Variants in COPS2 observed in about 807,000 individuals in gnomAD.
COPS2 encodes COP9 signalosome complex subunit 2.
Under a neutral mutation model 66.1 loss-of-function variants are expected in COPS2, and 10 were observed. That is an observed-to-expected ratio of 0.15 (90% CI 0.09 to 0.26). The LOEUF (loss-of-function observed/expected upper bound fraction) is 0.26, where lower values mean the gene tolerates loss of function less well. COPS2 is among the 10% of genes least tolerant of loss of function. The pLI is 1.00. For missense variants in COPS2, 215 were observed against 513.3 expected (o/e 0.42, Z 5.62); for synonymous variants, 179 against 171.3 (o/e 1.04, Z -0.35).
chr15:49,139,617 G>A lies in COPS2; in HGVS notation c.283C>T (p.Leu95=), dbSNP rs758024993. ...FPEMMNRYKQ[L]LTYIRSAVTR... is the part of the protein sequence containing the mutation. ...ACTGCACTCCGAATATAGGTCAATA[G>A]CTGCTTATATCTATTCATCATTTCT... The change falls in exon 4 of 13, where the codon CTA becomes TTA. Residue 95 remains leucine, a synonymous_variant. Transcript: ENST00000388901. 10 of 1,601,982 alleles carry A rather than the reference G, an allele frequency of 6.2e-6. No homozygotes were observed. The highest frequency in any genetic ancestry group is 6.0e-6 in the Non-Finnish European group (7 of 1,172,454).
Position 49,137,206 on chromosome 15 carries a change from G to T in COPS2, c.484C>A (p.Arg162=), listed in dbSNP as rs770669605. The part of the protein sequence containing the change: ...NTKLGKLYLE[R]EEYGKLQKIL... Reference sequence around the variant, plus strand: ...TTTTGAAGCTTTCCATATTCCTCTCGTTCTAAATATAATTTTCCAAGCTGC... The same window carrying T: ...TTTTGAAGCTTTCCATATTCCTCTCTTTCTAAATATAATTTTCCAAGCTGC... The change falls in exon 6 of 13, where the codon CGA becomes AGA. Residue 162 remains arginine (R), a synonymous_variant. Coordinates refer to ENST00000388901, the MANE Select transcript of COPS2 (RefSeq NM_004236.4). 2 of 1,604,240 alleles carry T rather than the reference G, an allele frequency of 1.2e-6. No homozygotes were observed. Among genetic ancestry groups the T allele is most frequent in the Non-Finnish European group, 1.7e-6 (2 of 1,176,830 alleles).
chr15:49,142,540 T>C (rs1011491909), intron 3 of COPS2, among the ~76,000 whole-genome samples: 4 of 152,156 alleles, frequency 2.6e-5, no homozygotes, highest in Non-Finnish European at 5.9e-5. Context: ...AAAAAGAAAG[T>C]GGTAACATAT....
At chr15:49,152,272 A>G (rs992392635) in intron 1 of COPS2, among the ~76,000 whole-genome samples, 1 of 151,876 alleles carries the variant, frequency 6.6e-6, no homozygotes, top group Non-Finnish European at 1.5e-5. Flanking sequence ...CTGCTTCATT[A>G]ATCTTTTTTT....
intron 6 of COPS2, among the ~76,000 whole-genome samples, chr15:49,135,021 ATTAAGT>A: frequency 6.6e-6 from 1 of 152,328 alleles, no homozygotes; most frequent in East Asian, 1.9e-4. Flanking sequence ...CATACCTATG[ATTAAGT>A]TTAATTTATA....
At chr15:49,153,172 T>A (rs1434837538) in intron 1 of COPS2, among the ~76,000 whole-genome samples, 1 of 152,200 alleles carries the variant, frequency 6.6e-6, no homozygotes, top group Non-Finnish European at 1.5e-5. Flanking sequence ...GTGCCAGTAG[T>A]CTCAGCTACT....
At chr15:49,154,130 A>C (rs1566887813) in intron 1 of COPS2, among the ~76,000 whole-genome samples, 1 of 152,086 alleles carries the variant, frequency 6.6e-6, no homozygotes, top group Non-Finnish European at 1.5e-5. Context: ...ATGTAACGAA[A>C]CCCCCCATAA....
chr15:49,155,044 G>A (rs1268804342), intron 1 of COPS2, among the ~76,000 whole-genome samples: 1 of 152,234 alleles, frequency 6.6e-6, no homozygotes, highest in Non-Finnish European at 1.5e-5. Flanking sequence ...CACAAGTTGC[G>A]TTTCGCAGTC....
chr15:49,147,725 CA>C (rs34315247), intron 1 of COPS2, among the ~76,000 whole-genome samples: 8,537 of 94,764 alleles, frequency 0.09, 241 homozygotes, highest in East Asian at 0.2. Context: ...GTTACAACTC[CA>C]AAAAAAAAAA....
intron 1 of COPS2, among the ~76,000 whole-genome samples, chr15:49,155,201 G>A (rs1165020389): frequency 6.6e-6 from 1 of 152,282 alleles, no homozygotes; most frequent in African/African-American, 2.4e-5. Flanking sequence ...GGTCACCGAG[G>A]CGGCTAGCGC....
At position 49,144,994 on chromosome 15, in the gene COPS2, G is replaced by C. The variant is rs1225323673; in HGVS notation, c.139C>G (p.Pro47Ala). Residue 47 changes from proline to alanine, a missense_variant, in exon 2 of 13, where the codon CCA becomes GCA. Pro to Ala is a conservative substitution (Grantham distance 27, BLOSUM62 -1). Coordinates refer to ENST00000388901, the MANE Select transcript of COPS2 (RefSeq NM_004236.4). The part of the protein sequence containing the change: ...YNSKALKEDD[P>A]KAALSSFQKV... ...TGGAAACTGCTTAATGCCGCTTTTG[G>C]GTCATCTTCTTTTAATGCTTTGGAA... 1 of 1,593,514 alleles carries C rather than the reference G, an allele frequency of 6.3e-7. No homozygotes were observed. The highest frequency in any genetic ancestry group is 8.5e-7 in the Non-Finnish European group (1 of 1,172,308).
At chr15:49,134,224 G>GTC in intron 7 of COPS2, 116 bp from the exon 8 acceptor site, 1 of 1,400,340 alleles carries the variant, frequency 7.1e-7, no homozygotes, top group Non-Finnish European at 9.7e-7. Flanking sequence ...TTTAAATTCT[G>GTC]TAACTTGAAT....
At chr15:49,152,187 A>AG (rs1165857782) in intron 1 of COPS2, among the ~76,000 whole-genome samples, 59 of 151,678 alleles carry the variant, frequency 3.9e-4, no homozygotes, top group African/African-American at 1.3e-3. Context: ...AAAAAAAAAA[A>AG]GAAAATCCCA....
chr15:49,134,302 C>T (rs1276722848), intron 7 of COPS2, 38 bp downstream of exon 7: 6 of 1,595,478 alleles, frequency 3.8e-6, no homozygotes, highest in Non-Finnish European at 5.1e-6. Context: ...TTTGATATCT[C>T]CCCATGCCAC....
At chr15:49,143,031 TTA>T (rs1357642986) in intron 3 of COPS2, among the ~76,000 whole-genome samples, 2 of 152,138 alleles carry the variant, frequency 1.3e-5, no homozygotes, top group African/African-American at 4.8e-5. Context: ...GAATGCTATT[TTA>T]TATCAGGTGG....
chr15:49,144,062 TG>T (rs2084306044), intron 3 of COPS2, among the ~76,000 whole-genome samples, 164 bp downstream of exon 3: 1 of 152,118 alleles, frequency 6.6e-6, no homozygotes, highest in South Asian at 2.1e-4. Flanking sequence ...ATGAAGAATT[TG>T]TTTTTTTTAC....
Position 49,128,061 on chromosome 15 carries a change from T to C in COPS2, c.1221A>G (p.Gln407=), listed in dbSNP as rs779767814. 3 of 1,613,758 alleles carry C rather than the reference T, an allele frequency of 1.9e-6. No homozygotes were observed. In the East Asian group the frequency reaches 6.7e-5, roughly 36 times the overall value. The change falls in exon 13 of 13, where the codon CAA becomes CAG. Residue 407 remains glutamine, a synonymous_variant. Transcript: ENST00000388901. The part of the protein sequence containing the change: ...TIHGRIDQVN[Q]LLELDHQKRG... Reference sequence around the variant, plus strand: ...TCTTCTGATGATCCAGTTCAAGGAGTTGGTTGACTTGATCAATTCGGCCAT... The same window carrying C: ...TCTTCTGATGATCCAGTTCAAGGAGCTGGTTGACTTGATCAATTCGGCCAT...
intron 3 of COPS2, 142 bp downstream of exon 3, chr15:49,144,085 A>G: frequency 1.5e-6 from 1 of 652,410 alleles, no homozygotes; most frequent in Non-Finnish European, 2.7e-6. Context: ...TAGTATTACT[A>G]TAGTCCCAAC....
chr15:49,134,425 A>G lies in COPS2; in HGVS notation c.630T>C (p.Asn210=). 1 of 1,613,074 alleles carries G rather than the reference A, an allele frequency of 6.2e-7. No homozygotes were observed. Among genetic ancestry groups the G allele is most frequent in the Non-Finnish European group, 8.5e-7 (1 of 1,179,794 alleles). ...CATAGAGTGCTTTAAGTTTTTTGTT[A>G]TTTTTCTGTGCTGTGTACATTTGAA... ...LEIQMYTAQK[N]NKKLKALYEQ... Residue 210 remains asparagine, a synonymous_variant, in exon 7 of 13, where the codon AAT becomes AAC. Coordinates refer to ENST00000388901, the MANE Select transcript of COPS2 (RefSeq NM_004236.4).
chr15:49,127,574 T>G lies in COPS2; in HGVS notation c.*376A>C, dbSNP rs1381174064. 6.0e-6 allele frequency: 1 copy of G among 165,556 alleles called. No homozygotes were observed. Among genetic ancestry groups the G allele is most frequent in the African/African-American group, 2.4e-5 (1 of 41,948 alleles). The allele number at this position is 165,556 out of a possible 1,614,324, so 10.3% of individuals were successfully genotyped here. A position where few individuals can be genotyped will look rare whatever the true frequency, so the allele number is the denominator to read the frequency against. ...ATTTCAAGTTATTGCAGGTTATTTGTGAGAGAATTTCTGCAGGTAAAACAT... is the reference window on the plus strand; with the variant it reads ...ATTTCAAGTTATTGCAGGTTATTTGGGAGAGAATTTCTGCAGGTAAAACAT... On this transcript the variant is annotated 3_prime_UTR_variant, in exon 13 of 13. Transcript: ENST00000388901.
Sources: allele counts gnomAD v4.1 joint callset (sites outside exome capture counted in the v4.1 genomes callset), GRCh38; gene constraint gnomAD v4.1.1; transcripts MANE v1.5; gene names NCBI Gene and HGNC (gene_info 2026-07-23, HGNC 2026-07-21).